Variants in TFF2 observed in about 807,000 individuals in gnomAD.
TFF2 encodes trefoil factor 2.
TFF2 carries 19 observed loss-of-function variants against 16.0 expected under a neutral mutation model. The ratio of observed to expected loss-of-function variants is 1.19; its 90% CI spans 0.83 to 1.74. The LOEUF (loss-of-function observed/expected upper bound fraction) is 1.74. TFF2 is among the 40% of genes most tolerant of loss of function. The pLI is 0.00. For missense variants in TFF2, 168 were observed against 166.8 expected (o/e 1.01, Z -0.04); for synonymous variants, 61 against 65.4 (o/e 0.93, Z 0.32).
Position 42,347,636 on chromosome 21 carries a change from C to T in TFF2, c.230-4G>A. ...TCCATGACGCACTGATCCGACTCTG[C>T]CATGGGACAGGCACAGCACCGAGAC... On this transcript the variant is annotated splice_region_variant and splice_polypyrimidine_tract_variant and intron_variant, in intron 2 of 3. Coordinates refer to ENST00000291526, the MANE Select transcript of TFF2 (RefSeq NM_005423.5). 1 of 1,613,722 alleles carries T rather than the reference C, an allele frequency of 6.2e-7. No individual in the cohort carries two copies. The highest frequency in any genetic ancestry group is 1.3e-5 in the African/African-American group (1 of 75,046).
At chr21:42,349,443 A>ACTAGCCCCAGACTAACCAACCTGGGCTG (rs2052096577) in intron 2 of TFF2, among the ~76,000 whole-genome samples, 1 of 145,944 alleles carries the variant, frequency 6.9e-6, no homozygotes, top group Non-Finnish European at 1.5e-5. Context: ...AACCTGGGCT[A>ACTAGCCCCAGACTAACCAACCTGGGCTG]GCTCCAGACT....
rs1185662559 is a variant in TFF2, at chr21:42,350,773, T to C, written c.79+106A>G. 5.0e-6 allele frequency: 6 copies of C among 1,193,388 alleles called. No individual in the cohort carries two copies. The South Asian group carries it at 6.1e-5, about 12-fold the overall frequency. The allele number at this position is 1,193,388 out of a possible 1,614,324, so 73.9% of individuals were successfully genotyped here. On this transcript the variant is annotated intron_variant, in intron 1 of 3. Coordinates refer to ENST00000291526, the MANE Select transcript of TFF2 (RefSeq NM_005423.5). ...CATGTGAACAACACACATTGCCAGA[T>C]GCCTTTATAGCCATTCCCCCTCTCA...
At position 42,347,599 on chromosome 21, in the gene TFF2, C is replaced by A. The variant is rs757931974; in HGVS notation, c.263G>T (p.Arg88Leu). 6.8e-6 allele frequency: 11 copies of A among 1,614,082 alleles called. No homozygotes were observed. The African/African-American group carries it at 1.3e-4, about 20-fold the overall frequency. ...SDQCVMEVSDRRNCGYPGISP... is the reference protein window; with the variant it reads ...SDQCVMEVSDLRNCGYPGISP... ...GATGCCCGGGTAGCCACAGTTTCTT[C>A]GGTCTGAGACCTCCATGACGCACTG... The change falls in exon 3 of 4, where the codon CGA becomes CTA. Residue 88 changes from arginine to leucine, a missense_variant. Coordinates refer to ENST00000291526, the MANE Select transcript of TFF2 (RefSeq NM_005423.5).
chr21:42,350,910 C>A lies in TFF2; in HGVS notation c.48G>T (p.Gly16=), dbSNP rs772743476. 168 of 1,613,770 alleles carry A rather than the reference C, an allele frequency of 1.0e-4. No homozygotes were observed. Among genetic ancestry groups the A allele is most frequent in the Non-Finnish European group, 1.4e-4 (160 of 1,179,924 alleles). ...TCTCACTCCCCGCCAGGGCACATAGCCCCAGGACGAGGAGCGCTGCCAGGA... is the reference window on the plus strand; with the variant it reads ...TCTCACTCCCCGCCAGGGCACATAGACCCAGGACGAGGAGCGCTGCCAGGA... The part of the protein sequence containing the change: ...AQLLAALLVL[G]LCALAGSEKP... Residue 16 remains glycine (G), a synonymous_variant, in exon 1 of 4, where the codon GGG becomes GGT. Transcript: ENST00000291526.
chr21:42,350,966 C>G lies in TFF2; in HGVS notation c.-9G>C. The G allele has an allele frequency of 3.1e-6, 5 of 1,613,550 alleles. No homozygotes were observed. The highest frequency in any genetic ancestry group is 4.2e-6 in the Non-Finnish European group (5 of 1,179,754). The stretch of plus-strand genomic sequence containing the variant: ...GCGTCTCGCCGTCCCATGTCTAGCT[C>G]AGCTGCACCCCAGGGTGGCTTGCAG... On this transcript the variant is annotated 5_prime_UTR_variant, in exon 1 of 4. Coordinates refer to ENST00000291526, the MANE Select transcript of TFF2 (RefSeq NM_005423.5).
At chr21:42,346,597 T>A in intron 3 of TFF2, 51 bp from the exon 4 acceptor site, 2 of 1,564,590 alleles carry the variant, frequency 1.3e-6, no homozygotes, top group Non-Finnish European at 1.7e-6. Flanking sequence ...GAAATGGGAG[T>A]GCCTAGGCTG....
At chr21:42,347,681 C>T (rs777417281) in intron 2 of TFF2, 49 bp from the exon 3 acceptor site, 1 of 1,598,788 alleles carries the variant, frequency 6.3e-7, no homozygotes, top group South Asian at 1.1e-5. Flanking sequence ...CCTGCTGTGC[C>T]CTGGAAAGCT....
Position 42,347,542 on chromosome 21 carries a change from C to G in TFF2, c.320G>C (p.Cys107Ser). 3 of 1,614,246 alleles carry G rather than the reference C, an allele frequency of 1.9e-6. No homozygotes were observed. Among genetic ancestry groups the G allele is most frequent in the Non-Finnish European group, 2.5e-6 (3 of 1,180,036 alleles). ...SPEECASRKCCFSNFIFEVPW... is the reference protein window; with the variant it reads ...SPEECASRKCSFSNFIFEVPW... ...CACTTCAAAGATGAAGTTGGAGAAG[C>G]AGCACTTCCGAGAGGCGCATTCCTC... The change falls in exon 3 of 4, where the codon TGC becomes TCC. Residue 107 changes from cysteine to serine, a missense_variant. Physicochemically the swap from Cys to Ser is moderately radical, Grantham distance 112. Coordinates refer to ENST00000291526, the MANE Select transcript of TFF2 (RefSeq NM_005423.5).
At chr21:42,347,309 C>T (rs529863144) in intron 3 of TFF2, among the ~76,000 whole-genome samples, 177 bp downstream of exon 3, 1 of 152,332 alleles carries the variant, frequency 6.6e-6, no homozygotes, top group African/African-American at 2.4e-5. Context: ...ATTGAAAAGA[C>T]GCTGTCTTTG....
intron 2 of TFF2, 77 bp downstream of exon 2, chr21:42,349,804 C>T (rs2052101509): frequency 1.4e-6 from 2 of 1,451,770 alleles, no homozygotes; most frequent in South Asian, 2.6e-5. Flanking sequence ...TCCTCCGGCC[C>T]CTGCTCTGGG....
Position 42,349,905 on chromosome 21 carries a change from A to C in TFF2, c.205T>G (p.Cys69Gly), listed in dbSNP as rs761918760. 2 of 1,599,990 alleles carry C rather than the reference A, an allele frequency of 1.3e-6. No individual in the cohort carries two copies. Among genetic ancestry groups the C allele is most frequent in the Non-Finnish European group, 1.7e-6 (2 of 1,173,232 alleles). The change falls in exon 2 of 4, where the codon TGT (cysteine) becomes GGT (glycine). Residue 69 changes from cysteine to glycine, a missense_variant. Coordinates refer to ENST00000291526, the MANE Select transcript of TFF2 (RefSeq NM_005423.5). ...FDSSVTGVPW[C>G]FHPLPKQESD... ...CCTTGCTTTGGGAGGGGGTGGAAAC[A>C]CCAGGGGACCCCAGTGACACTGGAG...
chr21:42,350,798 A>T, intron 1 of TFF2, 81 bp downstream of exon 1: 1 of 1,434,926 alleles, frequency 7.0e-7, no homozygotes, highest in Non-Finnish European at 9.5e-7. Context: ...TCCCCCTCTC[A>T]AGTTAATTTA....
chr21:42,348,887 C>T (rs528242593), intron 2 of TFF2, among the ~76,000 whole-genome samples: 1 of 152,108 alleles, frequency 6.6e-6, no homozygotes, highest in Admixed American at 6.5e-5. Context: ...GACTAACCAA[C>T]CTGGGCTAGC....
In TFF2 at chr21:42,347,600, G is replaced by C. The variant is rs370824905; in HGVS notation, c.262C>G (p.Arg88Gly). 1.9e-6 allele frequency: 3 copies of C among 1,614,136 alleles called. No homozygotes were observed. The highest frequency in any genetic ancestry group is 1.3e-5 in the African/African-American group (1 of 75,054). ...SDQCVMEVSDRRNCGYPGISP... is the reference protein window; with the variant it reads ...SDQCVMEVSDGRNCGYPGISP... Reference sequence around the variant, plus strand: ...ATGCCCGGGTAGCCACAGTTTCTTCGGTCTGAGACCTCCATGACGCACTGA... The same window carrying C: ...ATGCCCGGGTAGCCACAGTTTCTTCCGTCTGAGACCTCCATGACGCACTGA... Residue 88 changes from arginine (R) to glycine (G), a missense_variant, in exon 3 of 4, where the codon CGA (arginine) becomes GGA (glycine). By Grantham distance (125) the Arg-to-Gly change is moderately radical (BLOSUM62 -2). Transcript: ENST00000291526.
intron 3 of TFF2, 65 bp from the exon 4 acceptor site, chr21:42,346,611 A>G (rs2052070340): frequency 6.5e-7 from 1 of 1,533,422 alleles, no homozygotes; most frequent in African/African-American, 1.4e-5. Context: ...TAGGCTGCGA[A>G]GCTGGGGTGG....
rs550572127 is a variant in TFF2 at position 42,349,036 on chromosome 21, C to G, written c.229+845G>C. 4.6e-5 allele frequency among the ~76,000 whole-genome samples: 7 copies of G among 151,434 alleles called. No homozygotes were observed. The East Asian group carries it at 1.4e-3, about 30-fold the overall frequency. ...CCAGACTAACAAACCTGGGCTAGCCCCAGACTAACCAACCTGGGCTACTAG... is the reference window on the plus strand; with the variant it reads ...CCAGACTAACAAACCTGGGCTAGCCGCAGACTAACCAACCTGGGCTACTAG... On this transcript the variant is annotated intron_variant, in intron 2 of 3. Transcript: ENST00000291526.
Position 42,346,389 on chromosome 21 carries a change from A to G in TFF2, c.*144T>C. On this transcript the variant is annotated 3_prime_UTR_variant, in exon 4 of 4. Transcript: ENST00000291526. ...GATTTTAAGGGTTTTATTTAAAGAAATTATATGTTAAACCATTGAAAATGA... is the reference window on the plus strand; with the variant it reads ...GATTTTAAGGGTTTTATTTAAAGAAGTTATATGTTAAACCATTGAAAATGA... 1 of 1,106,736 alleles carries G rather than the reference A, an allele frequency of 9.0e-7. No homozygotes were observed. Among genetic ancestry groups the G allele is most frequent in the East Asian group, 2.4e-5 (1 of 41,854 alleles). 68.6% of individuals were successfully genotyped at this position (1,106,736 alleles called of 1,614,324 possible).
intron 2 of TFF2, among the ~76,000 whole-genome samples, chr21:42,349,046 C>A (rs1291711970): frequency 6.7e-6 from 1 of 149,074 alleles, no homozygotes; most frequent in African/African-American, 2.5e-5. Context: ...CCAGACTAAC[C>A]AACCTGGGCT....
intron 3 of TFF2, among the ~76,000 whole-genome samples, chr21:42,347,080 G>A (rs1009245752): frequency 6.6e-6 from 1 of 152,226 alleles, no homozygotes; most frequent in Non-Finnish European, 1.5e-5. Context: ...GGGGGAGAAC[G>A]GGGAAGCCAC....
Sources: allele counts gnomAD v4.1 joint callset (sites outside exome capture counted in the v4.1 genomes callset), GRCh38; gene constraint gnomAD v4.1.1; transcripts MANE v1.5; gene names NCBI Gene and HGNC (gene_info 2026-07-23, HGNC 2026-07-21).